Variants in PPFIA2 observed in about 807,000 individuals in gnomAD.
PPFIA2 encodes the protein PPFI scaffold protein A2, also known as liprin-alpha-2.
Under a neutral mutation model 175.5 loss-of-function variants are expected in PPFIA2, and 46 were observed. The observed-to-expected ratio is 0.26, with a 90% CI of 0.21 to 0.34. PPFIA2 has a LOEUF of 0.34. PPFIA2 is among the 10% of genes least tolerant of loss of function. The pLI, the probability that PPFIA2 is intolerant of heterozygous loss-of-function variation, is 1.00. For missense variants in PPFIA2, 1,179 were observed against 1,506.1 expected (o/e 0.78, Z 3.60); for synonymous variants, 568 against 511.4 (o/e 1.11, Z -1.49).
chr12:81,751,333 T>G (rs1345949422), intron 3 of PPFIA2, among the ~76,000 whole-genome samples: 2 of 152,042 alleles, frequency 1.3e-5, no homozygotes, highest in African/African-American at 2.4e-5. Context: ...ACTCTGAAAT[T>G]GATATTTGAT....
At chr12:81,401,756 C>G (rs1034513291) in intron 8 of PPFIA2, among the ~76,000 whole-genome samples, 2 of 152,060 alleles carry the variant, frequency 1.3e-5, no homozygotes, top group Non-Finnish European at 1.5e-5. Context: ...AGCATGTTTA[C>G]TTTTTAAAAT....
intron 3 of PPFIA2, among the ~76,000 whole-genome samples, chr12:81,745,107 C>A (rs1230308716): frequency 6.6e-6 from 1 of 152,138 alleles, no homozygotes; most frequent in Non-Finnish European, 1.5e-5. Context: ...GACAGCCGTC[C>A]TAGCTTCTCT....
chr12:81,364,930 G>A (rs1284957909), intron 14 of PPFIA2, among the ~76,000 whole-genome samples: 1 of 151,754 alleles, frequency 6.6e-6, no homozygotes, highest in African/African-American at 2.4e-5. Flanking sequence ...GTTAGATGGT[G>A]GTGGTGTTTG....
chr12:81,489,306 A>C (rs921858275), intron 4 of PPFIA2, among the ~76,000 whole-genome samples: 10 of 151,874 alleles, frequency 6.6e-5, no homozygotes, highest in African/African-American at 1.9e-4. Context: ...AAATATTCAT[A>C]ATAGATCATT....
chr12:81,441,903 T>C (rs1358587256), intron 6 of PPFIA2, among the ~76,000 whole-genome samples: 1 of 152,222 alleles, frequency 6.6e-6, no homozygotes, highest in East Asian at 1.9e-4. Flanking sequence ...TAAGCTGCTG[T>C]AGAGAGAGGA....
At chr12:81,637,226 C>T (rs1387387614) in intron 4 of PPFIA2, among the ~76,000 whole-genome samples, 8 of 135,264 alleles carry the variant, frequency 5.9e-5, no homozygotes, top group South Asian at 4.9e-4. Flanking sequence ...TGCGCTACCA[C>T]GCCAGGCTAA....
chr12:81,736,456 C>T (rs768986238), intron 3 of PPFIA2, among the ~76,000 whole-genome samples: 12 of 151,866 alleles, frequency 7.9e-5, no homozygotes, highest in Admixed American at 1.3e-4. Flanking sequence ...TGGACATAGA[C>T]GCATTTTAAT....
At chr12:81,539,766 A>C (rs1192692456) in intron 4 of PPFIA2, among the ~76,000 whole-genome samples, 2 of 151,968 alleles carry the variant, frequency 1.3e-5, no homozygotes, top group Non-Finnish European at 2.9e-5. Flanking sequence ...GCAGTCCCTC[A>C]TTGAGCTCAA....
At chr12:81,616,765 T>C (rs2061455757) in intron 4 of PPFIA2, among the ~76,000 whole-genome samples, 1 of 152,202 alleles carries the variant, frequency 6.6e-6, no homozygotes, top group Non-Finnish European at 1.5e-5. Flanking sequence ...GAAATTCTTA[T>C]TACAAATGCT....
At chr12:81,631,419 A>AT (rs1237167134) in intron 4 of PPFIA2, among the ~76,000 whole-genome samples, 1 of 152,068 alleles carries the variant, frequency 6.6e-6, no homozygotes, top group Admixed American at 6.6e-5. Flanking sequence ...GTGAAAATTA[A>AT]TTTTTTTGAG....
At chr12:81,433,758 C>A (rs931136680) in intron 7 of PPFIA2, among the ~76,000 whole-genome samples, 7 of 152,234 alleles carry the variant, frequency 4.6e-5, no homozygotes, top group Admixed American at 4.6e-4. Context: ...TCAAGAGGTT[C>A]ATATCACTGT....
intron 3 of PPFIA2, among the ~76,000 whole-genome samples, chr12:81,689,756 C>T (rs2074995990): frequency 6.6e-6 from 1 of 152,034 alleles, no homozygotes; most frequent in South Asian, 2.1e-4. Flanking sequence ...CCTTATCTCT[C>T]CTTTCCTTAA....
chr12:81,282,784 T>G, intron 26 of PPFIA2: 1 of 348,590 alleles, frequency 2.9e-6, no homozygotes, highest in Admixed American at 4.5e-5. Flanking sequence ...AAAAGTACCC[T>G]TTTAAAAGAG....
intron 30 of PPFIA2, among the ~76,000 whole-genome samples, chr12:81,264,091 G>A (rs1388577432): frequency 6.6e-6 from 1 of 151,972 alleles, no homozygotes. Flanking sequence ...ATACACAGAG[G>A]CAGAGAGTCA....
intron 22 of PPFIA2, among the ~76,000 whole-genome samples, chr12:81,299,994 A>G (rs1211413907): frequency 6.6e-6 from 1 of 152,204 alleles, no homozygotes; most frequent in Non-Finnish European, 1.5e-5. Flanking sequence ...AAGGTATCAA[A>G]TTCAATGGTA....
intron 4 of PPFIA2, among the ~76,000 whole-genome samples, chr12:81,494,400 T>C (rs1364350495): frequency 6.6e-6 from 1 of 152,080 alleles, no homozygotes; most frequent in Non-Finnish European, 1.5e-5. Flanking sequence ...TGAGATATCA[T>C]CTCACACCAG....
At chr12:81,346,105 A>C (rs2059025510) in intron 18 of PPFIA2, among the ~76,000 whole-genome samples, 1 of 152,184 alleles carries the variant, frequency 6.6e-6, no homozygotes, top group Admixed American at 6.6e-5. Context: ...ATGGCTTGGA[A>C]GCCTCAAAAT....
In PPFIA2 at chr12:81,283,164, T is replaced by A. The variant is rs562901625; in HGVS notation, c.2989-125A>T. Reference sequence around the variant, plus strand: ...AAAATATTTTGTATAACAGGTAGAATAAACACACAGATTCATAGACCCACA... The same window carrying A: ...AAAATATTTTGTATAACAGGTAGAAAAAACACACAGATTCATAGACCCACA... On this transcript the variant is annotated intron_variant, in intron 25 of 32. Coordinates refer to ENST00000549396, the MANE Select transcript of PPFIA2 (RefSeq NM_003625.5). The A allele has an allele frequency of 6.0e-4, 530 of 878,628 alleles. 3 individuals carry two copies. Among genetic ancestry groups the A allele is most frequent in the Middle Eastern group, 5.9e-3 (25 of 4,206 alleles). 54.4% of individuals were successfully genotyped at this position (878,628 alleles called of 1,614,324 possible).
At chr12:81,450,929 A>T (rs2052449427) in intron 5 of PPFIA2, among the ~76,000 whole-genome samples, 1 of 152,188 alleles carries the variant, frequency 6.6e-6, no homozygotes, top group Admixed American at 6.5e-5. Context: ...ATCATCCTGG[A>T]ATTAGTATAT....
Sources: allele counts gnomAD v4.1 joint callset (sites outside exome capture counted in the v4.1 genomes callset), GRCh38; gene constraint gnomAD v4.1.1; transcripts MANE v1.5; gene names NCBI Gene and HGNC (gene_info 2026-07-23, HGNC 2026-07-21).